The following PRELP variants were observed in gnomAD, a reference collection of about 807,000 sequenced individuals.
PRELP encodes the protein prolargin.
PRELP carries 16 observed loss-of-function variants against 22.8 expected under a neutral mutation model. That is an observed-to-expected ratio of 0.70 (90% confidence interval 0.47 to 1.06). The LOEUF is 1.06. PRELP is among the 50% of genes least tolerant of loss of function. The probability of loss-of-function intolerance (pLI) is 0.00; values close to 1 mark genes in which losing one functional copy is unlikely to be tolerated. For synonymous variants in PRELP, 233 were observed against 211.4 expected, an observed-to-expected ratio of 1.10 and a Z score of -0.89; for missense variants, 434 against 485.2, an observed-to-expected ratio of 0.89 and a Z score of 0.99.
At chr1:203,480,986 G>T (rs1048401978) in intron 1 of PRELP, among the ~76,000 whole-genome samples, 1 of 149,998 alleles carries the variant, frequency 6.7e-6, no homozygotes, top group Non-Finnish European at 1.5e-5. Context: ...TGAAGACCAG[G>T]GCTGCCCTGG....
chr1:203,485,605 C>G (rs541257819), intron 2 of PRELP, among the ~76,000 whole-genome samples: 1 of 152,192 alleles, frequency 6.6e-6, no homozygotes, highest in Non-Finnish European at 1.5e-5. Context: ...GATTGAAGAA[C>G]TCAGCATGAG....
rs1247529847 is a variant in PRELP, at chr1:203,483,381, C to T, written c.197C>T (p.Pro66Leu). ...TDLPPPLPPG[P>L]PSIFPDCPRE... is the part of the protein sequence containing the mutation. ...CTGCCTCCTCCCCTCCCTCCAGGCCCTCCATCTATCTTCCCTGACTGTCCC... is the reference window on the plus strand; with the variant it reads ...CTGCCTCCTCCCCTCCCTCCAGGCCTTCCATCTATCTTCCCTGACTGTCCC... The change falls in exon 2 of 3, where the codon CCT becomes CTT. Residue 66 changes from proline (P) to leucine (L), a missense_variant. By Grantham distance (98) the Pro-to-Leu change is moderately conservative. Transcript: ENST00000343110. The surrounding 1 kb of genome is among the most constrained non-coding windows in gnomAD (Gnocchi z 4.4). The T allele has an allele frequency of 6.2e-7, 1 of 1,614,142 alleles. No individual in the cohort carries two copies. The highest frequency in any genetic ancestry group is 1.3e-5 in the African/African-American group (1 of 75,038).
At position 203,476,722 on chromosome 1, in the gene PRELP, T is replaced by C. The variant is rs562009514; in HGVS notation, c.-17+784T>C. ...ACCTGCACAGTGTCTTCTCAGCAGC[T>C]TTCAATTTCTGTCTCACTGGTCCAA... is the stretch of plus-strand genomic sequence containing the variant. On this transcript the variant is annotated intron_variant, in intron 1 of 2. Coordinates refer to ENST00000343110, the MANE Select transcript of PRELP (RefSeq NM_002725.4). Among the ~76,000 whole-genome samples, 55 of 152,280 alleles carry C rather than the reference T, an allele frequency of 3.6e-4. 2 individuals are homozygous for C. The highest frequency in any genetic ancestry group is 1.3e-3 in the African/African-American group (52 of 41,556).
chr1:203,481,940 C>A (rs1661007374), intron 1 of PRELP, among the ~76,000 whole-genome samples: 1 of 152,178 alleles, frequency 6.6e-6, no homozygotes, highest in Admixed American at 6.5e-5. Context: ...AATGCTTCGG[C>A]TAAACCTCAA....
In PRELP at chr1:203,483,875, A is replaced by G. The variant is rs1413001687; in HGVS notation, c.691A>G (p.Asn231Asp). The G allele has an allele frequency of 1.2e-6, 2 of 1,614,166 alleles. No individual in the cohort carries two copies. The highest frequency in any genetic ancestry group is 1.7e-5 in the Admixed American group (1 of 60,016). The stretch of plus-strand genomic sequence containing the variant: ...CCTCATGCAGCTCAACCTGGCCCAC[A>G]ACATCCTGAGAAAGATGCCGCCCAG... ...KNLMQLNLAH[N>D]ILRKMPPRVP... The change falls in exon 2 of 3, where the codon AAC becomes GAC. Residue 231 changes from asparagine to aspartate, a missense_variant. Physicochemically the swap from Asn to Asp is conservative, Grantham distance 23. Coordinates refer to ENST00000343110, the MANE Select transcript of PRELP (RefSeq NM_002725.4). This position sits in a 1 kb window ranked among gnomAD's most constrained non-coding sequence, Gnocchi z 4.4.
At chr1:203,484,712 G>T (rs76192444) in intron 2 of PRELP, among the ~76,000 whole-genome samples, 8,442 of 152,268 alleles carry the variant, frequency 0.055, 445 homozygotes, top group East Asian at 0.2. Flanking sequence ...GGAAAAGAAG[G>T]TCTGCATGCT....
At chr1:203,481,223 G>A (rs1295061310) in intron 1 of PRELP, among the ~76,000 whole-genome samples, 1 of 147,850 alleles carries the variant, frequency 6.8e-6, no homozygotes. Flanking sequence ...GCTTCTGGGT[G>A]ATTAGAAAAT....
intron 1 of PRELP, among the ~76,000 whole-genome samples, chr1:203,479,460 T>TG (rs1660961684): frequency 1.3e-5 from 2 of 152,026 alleles, no homozygotes; most frequent in Admixed American, 1.3e-4. Context: ...CCCAGCACTT[T>TG]GGGAGACTGA....
chr1:203,485,729 A>G (rs532653822), intron 2 of PRELP, among the ~76,000 whole-genome samples: 1 of 150,656 alleles, frequency 6.6e-6, no homozygotes, highest in Non-Finnish European at 1.5e-5. Context: ...GACAATTACA[A>G]TGAAGATGAT....
intron 1 of PRELP, among the ~76,000 whole-genome samples, chr1:203,480,189 G>A (rs1469956362): frequency 2.0e-5 from 3 of 152,250 alleles, no homozygotes; most frequent in Non-Finnish European, 4.4e-5. Flanking sequence ...CTTCCGTGAA[G>A]CAGCAGCTTT....
At chr1:203,485,935 C>T (rs1180732939) in intron 2 of PRELP, among the ~76,000 whole-genome samples, 1 of 152,164 alleles carries the variant, frequency 6.6e-6, no homozygotes, top group African/African-American at 2.4e-5. Context: ...CCGGAGCTCT[C>T]CCCAGATCCT....
intron 1 of PRELP, among the ~76,000 whole-genome samples, chr1:203,480,636 C>T (rs1181382097): frequency 2.0e-5 from 3 of 152,234 alleles, no homozygotes; most frequent in African/African-American, 7.2e-5. Context: ...GAAATGAATG[C>T]TATTTCCTTA....
At chr1:203,481,954 A>C (rs1000028993) in intron 1 of PRELP, among the ~76,000 whole-genome samples, 4 of 152,134 alleles carry the variant, frequency 2.6e-5, no homozygotes, top group Non-Finnish European at 5.9e-5. Context: ...ACCTCAATAT[A>C]TATAATAGGT....
chr1:203,490,304 A>G lies in PRELP; in HGVS notation c.*3423A>G, dbSNP rs1661170101. On this transcript the variant is annotated 3_prime_UTR_variant, in exon 3 of 3. Coordinates refer to ENST00000343110, the MANE Select transcript of PRELP (RefSeq NM_002725.4). The stretch of plus-strand genomic sequence containing the variant: ...TTGAAGAATTTCTCGCAAACTCACA[A>G]CCCTCATGAAAAATTAATCCTCAGT... 6.6e-6 allele frequency: 1 copy of G among 152,056 alleles called. No individual in the cohort carries two copies. The highest frequency in any genetic ancestry group is 1.5e-5 in the Non-Finnish European group (1 of 68,016). The allele number at this position is 152,056 out of a possible 1,614,324, so 9.4% of individuals were successfully genotyped here. A position where few individuals can be genotyped will look rare whatever the true frequency, so the allele number is the denominator to read the frequency against.
chr1:203,476,547 T>C (rs910911114), intron 1 of PRELP, among the ~76,000 whole-genome samples: 2 of 152,200 alleles, frequency 1.3e-5, no homozygotes, highest in African/African-American at 2.4e-5. Flanking sequence ...TAAAGTACGT[T>C]TTCCCACTGA....
At position 203,483,558 on chromosome 1, in the gene PRELP, C is replaced by T. The variant is rs779852078; in HGVS notation, c.374C>T (p.Ala125Val). The change falls in exon 2 of 3, where the codon GCC (alanine) becomes GTC (valine). Residue 125 changes from alanine (A) to valine (V), a missense_variant. Physicochemically the swap from Ala to Val is moderately conservative, Grantham distance 64 (BLOSUM62 0). Coordinates refer to ENST00000343110, the MANE Select transcript of PRELP (RefSeq NM_002725.4). The surrounding 1 kb of genome is among the most constrained non-coding windows in gnomAD (Gnocchi z 4.4). ...TELPVESFQN[A>V]TGLRWINLDN... is the part of the protein sequence containing the mutation. The stretch of plus-strand genomic sequence containing the variant: ...CTCCCGGTGGAGTCCTTCCAGAATG[C>T]CACAGGCCTGCGATGGATTAACCTG... 9.3e-6 allele frequency: 15 copies of T among 1,614,224 alleles called. No individual in the cohort carries two copies. Among genetic ancestry groups the T allele is most frequent in the Non-Finnish European group, 1.2e-5 (14 of 1,180,046 alleles).
At chr1:203,482,885 C>T (rs1156950187) in intron 1 of PRELP, among the ~76,000 whole-genome samples, 5 of 152,006 alleles carry the variant, frequency 3.3e-5, no homozygotes, top group Non-Finnish European at 5.9e-5. Context: ...TGTGAGCCAC[C>T]GCACCTGGCC....
chr1:203,484,848 A>G (rs1661066327), intron 2 of PRELP, among the ~76,000 whole-genome samples: 1 of 152,220 alleles, frequency 6.6e-6, no homozygotes, highest in African/African-American at 2.4e-5. Flanking sequence ...GGAGGCTGGA[A>G]GTTGCAGTTT....
intron 1 of PRELP, among the ~76,000 whole-genome samples, chr1:203,477,966 CT>C (rs1240411636): frequency 9.2e-5 from 14 of 152,176 alleles, no homozygotes; most frequent in Non-Finnish European, 1.3e-4. Context: ...GGAAGTTGCT[CT>C]GTGTGGAAGA....
Sources: gnomAD v4.1 joint callset for allele counts (sites outside exome capture counted in the v4.1 genomes callset) on GRCh38, gnomAD v4.1.1 for gene constraint, Gnocchi (gnomAD v3.1) non-coding constraint, MANE v1.5 for transcripts, NCBI Gene and HGNC (gene_info 2026-07-23, HGNC 2026-07-21) for gene names.